The following DGKI variants were observed in gnomAD, a reference collection of about 807,000 sequenced individuals.
DGKI encodes diacylglycerol kinase iota.
DGKI carries 55 observed loss-of-function variants against 147.5 expected under a neutral mutation model. The ratio of observed to expected loss-of-function variants is 0.37; its 90% confidence interval spans 0.30 to 0.47. DGKI has a LOEUF of 0.47. Among genes scored for constraint, DGKI ranks in the 20% least tolerant of loss-of-function variants. The probability of loss-of-function intolerance (pLI) is 1.00; values close to 1 mark genes in which losing one functional copy is unlikely to be tolerated. For missense variants in DGKI, 1,007 were observed against 1,323.8 expected (o/e 0.76, Z 3.71); for synonymous variants, 469 against 477.1 (o/e 0.98, Z 0.22).
intron 1 of DGKI, among the ~76,000 whole-genome samples, chr7:137,829,001 T>C (rs900491777): frequency 2.0e-5 from 3 of 152,340 alleles, no homozygotes; most frequent in Admixed American, 2.0e-4. Flanking sequence ...ATTTTAGGAA[T>C]TAATTGCTGG....
chr7:137,644,782 A>G (rs1821767726), intron 6 of DGKI, among the ~76,000 whole-genome samples: 1 of 152,216 alleles, frequency 6.6e-6, no homozygotes, highest in African/African-American at 2.4e-5. Context: ...ACCCTCCCAG[A>G]GGACCCTGTC....
At chr7:137,514,844 T>C (rs930390186) in intron 21 of DGKI, among the ~76,000 whole-genome samples, 3 of 152,164 alleles carry the variant, frequency 2.0e-5, no homozygotes, top group Non-Finnish European at 4.4e-5. Context: ...CCTATTTCCA[T>C]CATTGCAACC....
Position 137,552,588 on chromosome 7 carries a change from A to AT in DGKI, c.1948-21_1948-20insA, listed in dbSNP as rs1293056682. 6.2e-7 allele frequency: 1 copy of AT among 1,612,490 alleles called. No homozygotes were observed. Among genetic ancestry groups the AT allele is most frequent in the Admixed American group, 1.7e-5 (1 of 59,978 alleles). ...GGCTGCCTATAAAAACAAGAGTCAA[A>AT]GGGGAGCAAGGAGTTAGTTATTATT... On this transcript the variant is annotated intron_variant, in intron 19 of 32. Transcript: ENST00000614521.
At chr7:137,680,831 GA>G (rs1369305288) in intron 2 of DGKI, among the ~76,000 whole-genome samples, 1 of 152,092 alleles carries the variant, frequency 6.6e-6, no homozygotes, top group African/African-American at 2.4e-5. Context: ...CATTTGCTGG[GA>G]AAAAATACCA....
chr7:137,667,117 G>A (rs917921654), intron 3 of DGKI, among the ~76,000 whole-genome samples: 4 of 151,956 alleles, frequency 2.6e-5, no homozygotes, highest in African/African-American at 7.3e-5. Context: ...ATTTTTACAC[G>A]CTCTTCAAGG....
At chr7:137,806,839 A>G (rs1797387067) in intron 1 of DGKI, among the ~76,000 whole-genome samples, 1 of 152,200 alleles carries the variant, frequency 6.6e-6, no homozygotes, top group African/African-American at 2.4e-5. Flanking sequence ...TGACCCACCA[A>G]AAAGTGGAAT....
At chr7:137,456,581 G>A (rs1415986055) in intron 27 of DGKI, among the ~76,000 whole-genome samples, 1 of 152,110 alleles carries the variant, frequency 6.6e-6, no homozygotes, top group East Asian at 1.9e-4. Flanking sequence ...TTTAAAGAGG[G>A]ATCCAATCAA....
chr7:137,579,233 C>T (rs1420984339), intron 15 of DGKI, among the ~76,000 whole-genome samples: 2 of 151,862 alleles, frequency 1.3e-5, no homozygotes, highest in Admixed American at 1.3e-4. Context: ...GCAGACAGTG[C>T]CTGTGTTGGA....
chr7:137,621,767 T>C (rs1820755895), intron 7 of DGKI, among the ~76,000 whole-genome samples: 1 of 152,184 alleles, frequency 6.6e-6, no homozygotes, highest in African/African-American at 2.4e-5. Flanking sequence ...ACATGTTCAT[T>C]GTAAAGTGGG....
chr7:137,485,702 A>G (rs1205344305), intron 22 of DGKI, among the ~76,000 whole-genome samples: 1 of 152,124 alleles, frequency 6.6e-6, no homozygotes, highest in Non-Finnish European at 1.5e-5. Flanking sequence ...TATAGAGGAG[A>G]CCAGAAGTAA....
intron 1 of DGKI, among the ~76,000 whole-genome samples, chr7:137,796,010 C>A (rs551442010): frequency 3.4e-4 from 51 of 152,140 alleles, no homozygotes; most frequent in East Asian, 5.8e-4. Flanking sequence ...GTAATGGCAA[C>A]AAAAACAAAA....
At chr7:137,560,145 A>G (rs919904994) in intron 19 of DGKI, among the ~76,000 whole-genome samples, 8 of 152,200 alleles carry the variant, frequency 5.3e-5, no homozygotes, top group Non-Finnish European at 1.2e-4. Context: ...AAGAAGCAAG[A>G]AAACATCATC....
chr7:137,498,432 A>G (rs888999747), intron 21 of DGKI, among the ~76,000 whole-genome samples: 1 of 152,138 alleles, frequency 6.6e-6, no homozygotes, highest in African/African-American at 2.4e-5. Flanking sequence ...CCAAACTGAA[A>G]TGATTCATCA....
chr7:137,555,705 G>A (rs1177751454), intron 19 of DGKI, among the ~76,000 whole-genome samples: 1 of 151,448 alleles, frequency 6.6e-6, no homozygotes, highest in Non-Finnish European at 1.5e-5. Flanking sequence ...AAATAGATTA[G>A]GGCTATTTTA....
At chr7:137,654,863 A>C (rs1382240483) in intron 4 of DGKI, 75 bp from the exon 5 acceptor site, 1 of 921,092 alleles carries the variant, frequency 1.1e-6, no homozygotes, top group Non-Finnish European at 1.7e-6. Flanking sequence ...AAAAAAAAAA[A>C]AACAGTGACA....
intron 20 of DGKI, among the ~76,000 whole-genome samples, chr7:137,536,150 C>T (rs996077434): frequency 6.6e-5 from 10 of 151,994 alleles, no homozygotes; most frequent in African/African-American, 2.2e-4. Context: ...TATATGCACA[C>T]ACAAGAAAAT....
intron 28 of DGKI, among the ~76,000 whole-genome samples, chr7:137,424,718 G>A (rs527536064): frequency 1.1e-4 from 17 of 152,120 alleles, no homozygotes; most frequent in Middle Eastern, 3.2e-3. Flanking sequence ...CTTAAAAAAC[G>A]GCACACCAGG....
At chr7:137,795,189 G>T (rs76464003) in intron 1 of DGKI, among the ~76,000 whole-genome samples, 3,044 of 152,282 alleles carry the variant, frequency 0.02, 106 homozygotes, top group African/African-American at 0.068. Context: ...CTACAGAACA[G>T]TGAGCTCTGT....
At chr7:137,641,789 GTTT>G (rs1205996394) in intron 6 of DGKI, among the ~76,000 whole-genome samples, 23 of 152,254 alleles carry the variant, frequency 1.5e-4, no homozygotes, top group African/African-American at 5.1e-4. Context: ...AAGTTAGCTT[GTTT>G]ATTTTTATAA....
Sources: gnomAD v4.1 joint callset for allele counts (sites outside exome capture counted in the v4.1 genomes callset) on GRCh38, gnomAD v4.1.1 for gene constraint, MANE v1.5 for transcripts, NCBI Gene and HGNC (gene_info 2026-07-23, HGNC 2026-07-21) for gene names.